The following VDR variants were observed in gnomAD, a reference collection of about 807,000 sequenced individuals.
The protein encoded by VDR is vitamin D3 receptor.
VDR carries 19 observed loss-of-function variants against 39.7 expected under a neutral mutation model. The observed-to-expected ratio is 0.48, with a 90% CI of 0.33 to 0.70. The LOEUF (loss-of-function observed/expected upper bound fraction) is 0.70, where lower values mean the gene tolerates loss of function less well. VDR is among the 30% of genes least tolerant of loss of function. The pLI, the probability that VDR is intolerant of heterozygous loss-of-function variation, is 0.02. For missense variants in VDR, 442 were observed against 570.5 expected, an observed-to-expected ratio of 0.77 and a Z score of 2.29; for synonymous variants, 242 against 215.8, an observed-to-expected ratio of 1.12 and a Z score of -1.07.
intron 1 of VDR, among the ~76,000 whole-genome samples, chr12:47,891,762 C>T (rs894441907): frequency 1.3e-5 from 2 of 152,214 alleles, no homozygotes; most frequent in African/African-American, 2.4e-5. Context: ...AGTGTCACCT[C>T]CATCCCCCAC....
chr12:47,891,492 C>A lies in VDR; in HGVS notation c.-83-8718G>T, dbSNP rs542715716. On this transcript the variant is annotated intron_variant, in intron 1 of 9. Transcript: ENST00000549336. ...TCAGTCCCAAAAGCTCCACCCCAAACAAACGTTGCCCAGAAAGCCACAATT... is the reference window on the plus strand; with the variant it reads ...TCAGTCCCAAAAGCTCCACCCCAAAAAAACGTTGCCCAGAAAGCCACAATT... Among the ~76,000 whole-genome samples, 133 of 152,184 alleles carry A rather than the reference C, an allele frequency of 8.7e-4. 1 individual carries two copies. The highest frequency in any genetic ancestry group is 3.1e-3 in the African/African-American group (129 of 41,470).
At chr12:47,855,505 G>A in intron 7 of VDR, 125 bp downstream of exon 7, 3 of 1,174,212 alleles carry the variant, frequency 2.6e-6, no homozygotes, top group Non-Finnish European at 3.6e-6. Flanking sequence ...GCGTGACAGA[G>A]CAAGATGCCG....
chr12:47,869,392 C>T lies in VDR; in HGVS notation c.147-4215G>A, dbSNP rs953414751. 5.3e-5 allele frequency among the ~76,000 whole-genome samples: 8 copies of T among 151,994 alleles called. No homozygotes were observed. In the East Asian group the frequency reaches 9.7e-4, roughly 18 times the overall value. ...TCTACTAAAAATGCAAAACATTAGC[C>T]GGGCGTGTTGGCGGGCGCCTGTAGT... On this transcript the variant is annotated intron_variant, in intron 3 of 9. Coordinates refer to ENST00000549336, the MANE Select transcript of VDR (RefSeq NM_000376.3).
intron 7 of VDR, among the ~76,000 whole-genome samples, chr12:47,855,146 G>A (rs1006949630): frequency 1.3e-5 from 2 of 152,194 alleles, no homozygotes; most frequent in East Asian, 3.8e-4. Flanking sequence ...TGGCCAACGT[G>A]GTGAAACCCC....
chr12:47,859,247 GC>G (rs2137150944), intron 4 of VDR, among the ~76,000 whole-genome samples: 1 of 152,326 alleles, frequency 6.6e-6, no homozygotes, highest in Non-Finnish European at 1.5e-5. Context: ...CAGGCACGTA[GC>G]TCAGCCTGAC....
At chr12:47,881,167 C>T (rs1946144282) in intron 2 of VDR, among the ~76,000 whole-genome samples, 1 of 151,518 alleles carries the variant, frequency 6.6e-6, no homozygotes, top group African/African-American at 2.4e-5. Context: ...GTCCTTTTTA[C>T]ACACATACAC....
rs1945588627 is a variant in VDR at position 47,859,923 on chromosome 12, T to TTTCTTTC, written c.278-2236_278-2235insGAAAGAA. ...CTTCCTTCCTTCCTTCCTTCTTTCT[T>TTTCTTTC]TTTCTTTCTTTCTTTCTTTCTTTCT... On this transcript the variant is annotated intron_variant, in intron 4 of 9. Transcript: ENST00000549336. 8.4e-4 allele frequency among the ~76,000 whole-genome samples: 43 copies of TTTCTTTC among 50,956 alleles called. 1 individual carries two copies. Among genetic ancestry groups the TTTCTTTC allele is most frequent in the Non-Finnish European group, 1.5e-3 (39 of 26,416 alleles). 33.4% of individuals were successfully genotyped at this position (50,956 alleles called of 152,430 possible).
At chr12:47,863,413 C>A (rs938864679) in intron 4 of VDR, among the ~76,000 whole-genome samples, 1 of 152,208 alleles carries the variant, frequency 6.6e-6, no homozygotes, top group Admixed American at 6.5e-5. Context: ...CCTTACGAAC[C>A]ACTGCAGTGG....
intron 3 of VDR, 138 bp downstream of exon 3, chr12:47,878,830 T>A: frequency 7.3e-7 from 1 of 1,370,568 alleles, no homozygotes; most frequent in Non-Finnish European, 1.0e-6. Flanking sequence ...ACCCTCCTGC[T>A]CCTGTGGCTG....
At chr12:47,877,443 G>C (rs1946031018) in intron 3 of VDR, among the ~76,000 whole-genome samples, 1 of 152,292 alleles carries the variant, frequency 6.6e-6, no homozygotes, top group African/African-American at 2.4e-5. Flanking sequence ...ATGTAGCAGA[G>C]GGGGTGGATA....
chr12:47,872,827 A>T (rs1945911216), intron 3 of VDR, among the ~76,000 whole-genome samples: 1 of 152,254 alleles, frequency 6.6e-6, no homozygotes, highest in Non-Finnish European at 1.5e-5. Context: ...CTAAAAAGGG[A>T]TAATGATACT....
intron 1 of VDR, among the ~76,000 whole-genome samples, chr12:47,901,938 G>A (rs1362263639): frequency 1.3e-5 from 2 of 152,214 alleles, no homozygotes; most frequent in African/African-American, 2.4e-5. Flanking sequence ...GCCGGGAGCA[G>A]TGCCGCCCCA....
intron 1 of VDR, among the ~76,000 whole-genome samples, chr12:47,894,596 CT>C (rs1446029879): frequency 5.9e-5 from 9 of 152,230 alleles, no homozygotes; most frequent in African/African-American, 2.2e-4. Context: ...AGAACTCCCC[CT>C]GACCTGAAAA....
chr12:47,893,677 C>A (rs982448164), intron 1 of VDR, among the ~76,000 whole-genome samples: 4 of 152,188 alleles, frequency 2.6e-5, no homozygotes, highest in African/African-American at 9.7e-5. Context: ...CCTGCCTCCA[C>A]CAGTCCACTC....
chr12:47,890,365 G>GTAATATATATTTTATATATATTATGTATA (rs1565634258), intron 1 of VDR, among the ~76,000 whole-genome samples: 2 of 143,606 alleles, frequency 1.4e-5, no homozygotes, highest in Admixed American at 7.0e-5. Flanking sequence ...TATTATGTAT[G>GTAATATATATTTTATATATATTATGTATA]TAATATATAT....
rs1945237749 is a variant in VDR at position 47,844,628 on chromosome 12, G to A, written c.*118C>T. On this transcript the variant is annotated 3_prime_UTR_variant, in exon 10 of 10. Transcript: ENST00000549336. ...GGCTGGGTGGATAGGGGAGGTGGCA[G>A]AGGAGGGGCTGAACCCCAGACGGGG... is the stretch of plus-strand genomic sequence containing the variant. The A allele has an allele frequency of 7.1e-7, 1 of 1,412,980 alleles. No individual in the cohort carries two copies. The highest frequency in any genetic ancestry group is 1.8e-5 in the Admixed American group (1 of 55,398). The allele number at this position is 1,412,980 out of a possible 1,614,324, so 87.5% of individuals were successfully genotyped here.
rs181530504 is a variant in VDR, at chr12:47,892,559, G to A, written c.-83-9785C>T. ...TTTCTTCTTGGCCTCACACTGTGGT[G>A]GACATTGACTCTGGCCTCTGCTGCC... is the stretch of plus-strand genomic sequence containing the variant. On this transcript the variant is annotated intron_variant, in intron 1 of 9. Transcript: ENST00000549336. Among the ~76,000 whole-genome samples the A allele has an allele frequency of 9.2e-5, 14 of 152,320 alleles. No individual in the cohort carries two copies. In the East Asian group the frequency reaches 9.6e-4, roughly 10 times the overall value.
At chr12:47,882,625 CCCTCCCCCCCA>C in intron 2 of VDR, 58 bp downstream of exon 2, 1 of 526,222 alleles carries the variant, frequency 1.9e-6, no homozygotes, top group Non-Finnish European at 3.4e-6. Flanking sequence ...CTTCTTATGC[CCCTCCCCCCCA>C]CCCCGCCCCT....
chr12:47,899,208 C>A (rs1946516064), intron 1 of VDR, among the ~76,000 whole-genome samples: 2 of 152,190 alleles, frequency 1.3e-5, no homozygotes, highest in South Asian at 4.1e-4. Context: ...CTAAACGGGC[C>A]TCTCACAAGG....
Sources: gnomAD v4.1 joint callset for allele counts (sites outside exome capture counted in the v4.1 genomes callset) on GRCh38, gnomAD v4.1.1 for gene constraint, MANE v1.5 for transcripts, NCBI Gene and HGNC (gene_info 2026-07-23, HGNC 2026-07-21) for gene names.